Variants in TACR1 observed in about 807,000 individuals in gnomAD.
The protein encoded by TACR1 is substance-P receptor.
TACR1 carries 25 observed loss-of-function variants against 35.8 expected under a neutral mutation model. The observed-to-expected ratio is 0.70, with a 90% CI of 0.51 to 0.98. The LOEUF is 0.98. Among genes scored for constraint, TACR1 ranks in the 50% least tolerant of loss-of-function variants. The probability of loss-of-function intolerance (pLI) is 0.00; values close to 1 mark genes in which losing one functional copy is unlikely to be tolerated. For missense variants in TACR1, 478 were observed against 522.9 expected (o/e 0.91, Z 0.84); for synonymous variants, 195 against 206.7 (o/e 0.94, Z 0.48).
At chr2:75,101,069 A>G in intron 2 of TACR1, among the ~76,000 whole-genome samples, 1 of 152,164 alleles carries the variant, frequency 6.6e-6, no homozygotes. Context: ...GATGAATAAC[A>G]TGTTGGACAC....
Position 75,049,616 on chromosome 2 carries a change from C to T in TACR1, c.1040G>A (p.Ser347Asn), listed in dbSNP as rs202219935. 48 of 1,614,074 alleles carry T rather than the reference C, an allele frequency of 3.0e-5. No homozygotes were observed. The highest frequency in any genetic ancestry group is 3.9e-5 in the Non-Finnish European group (46 of 1,180,052). ...KSTRYLQTQGSVYKVSRLETT... is the reference protein window; with the variant it reads ...KSTRYLQTQGNVYKVSRLETT... The stretch of plus-strand genomic sequence containing the variant: ...CTCCAGGCGGCTGACTTTGTACACA[C>T]TGCCCTGGGTCTGGAGATACCGGGT... Residue 347 changes from serine to asparagine, a missense_variant, in exon 5 of 5, where the codon AGT becomes AAT. Transcript: ENST00000305249.
At chr2:75,111,871 A>G (rs1297913578) in intron 2 of TACR1, among the ~76,000 whole-genome samples, 3 of 151,954 alleles carry the variant, frequency 2.0e-5, no homozygotes, top group Non-Finnish European at 4.4e-5. Context: ...TGAGAGAGAG[A>G]GAGAGAAACC....
At chr2:75,163,647 A>G (rs2103998158) in intron 1 of TACR1, among the ~76,000 whole-genome samples, 1 of 152,308 alleles carries the variant, frequency 6.6e-6, no homozygotes, top group East Asian at 1.9e-4. Flanking sequence ...GTTGGTGCAC[A>G]GGTGTGTTAA....
intron 1 of TACR1, among the ~76,000 whole-genome samples, chr2:75,134,912 A>G (rs990135933): frequency 2.6e-5 from 4 of 152,196 alleles, no homozygotes; most frequent in African/African-American, 9.6e-5. Flanking sequence ...AGGAAAGACA[A>G]GGTCTCACAG....
Position 75,198,833 on chromosome 2 carries a change from A to G in TACR1, c.102T>C (p.Leu34=). Residue 34 remains leucine, a synonymous_variant, in exon 1 of 5, where the codon CTT becomes CTC. Coordinates refer to ENST00000305249, the MANE Select transcript of TACR1 (RefSeq NM_001058.4). Reference sequence around the variant, plus strand: ...CAATGACCGTGTAGGCAGCTGCCCAAAGGACAATTTGCCAGGCTGGTTGCA... The same window carrying G: ...CAATGACCGTGTAGGCAGCTGCCCAGAGGACAATTTGCCAGGCTGGTTGCA... The part of the protein sequence containing the change: ...QFVQPAWQIV[L]WAAAYTVIVV... 3 of 1,614,120 alleles carry G rather than the reference A, an allele frequency of 1.9e-6. No individual in the cohort carries two copies. Among genetic ancestry groups the G allele is most frequent in the Non-Finnish European group, 2.5e-6 (3 of 1,180,022 alleles).
At chr2:75,196,996 G>A (rs1244202503) in intron 1 of TACR1, among the ~76,000 whole-genome samples, 2 of 152,182 alleles carry the variant, frequency 1.3e-5, no homozygotes, top group Admixed American at 1.3e-4. Flanking sequence ...GATTAAAGGA[G>A]CATGTCAATG....
At chr2:75,137,373 G>T (rs935613034) in intron 1 of TACR1, among the ~76,000 whole-genome samples, 1 of 152,112 alleles carries the variant, frequency 6.6e-6, no homozygotes, top group Admixed American at 6.5e-5. Context: ...GAGTGGTCAC[G>T]CATGGTGCGC....
intron 2 of TACR1, among the ~76,000 whole-genome samples, chr2:75,055,729 TCCTTAC>T (rs1040667724): frequency 2.6e-5 from 4 of 152,168 alleles, no homozygotes; most frequent in African/African-American, 9.7e-5. Context: ...TCGCCGATAC[TCCTTAC>T]CCTGGACCAG....
intron 1 of TACR1, among the ~76,000 whole-genome samples, chr2:75,193,887 T>C (rs780874183): frequency 4.6e-5 from 7 of 152,160 alleles, no homozygotes; most frequent in Non-Finnish European, 1.0e-4. Context: ...TTTGAGGGAA[T>C]AAACAAGGCT....
intron 1 of TACR1, among the ~76,000 whole-genome samples, chr2:75,154,109 C>T (rs1203442841): frequency 6.6e-6 from 1 of 152,094 alleles, no homozygotes; most frequent in Non-Finnish European, 1.5e-5. Flanking sequence ...TGGATGCCCC[C>T]CTCACTGCCC....
At chr2:75,180,147 G>A (rs1361280572) in intron 1 of TACR1, among the ~76,000 whole-genome samples, 1 of 152,146 alleles carries the variant, frequency 6.6e-6, no homozygotes, top group Non-Finnish European at 1.5e-5. Flanking sequence ...AAAGCCTTCT[G>A]TAATCTCCCT....
At chr2:75,108,854 T>G (rs1009609444) in intron 2 of TACR1, among the ~76,000 whole-genome samples, 7 of 152,206 alleles carry the variant, frequency 4.6e-5, no homozygotes, top group African/African-American at 1.7e-4. Context: ...ATTTCAAAAT[T>G]TGTACATAAT....
intron 1 of TACR1, among the ~76,000 whole-genome samples, chr2:75,195,570 A>T (rs574844714): frequency 6.6e-6 from 1 of 152,228 alleles, no homozygotes; most frequent in Non-Finnish European, 1.5e-5. Flanking sequence ...TTGACTCAAC[A>T]ATTCCTTTAA....
At position 75,199,047 on chromosome 2, in the gene TACR1, A is replaced by G; in HGVS notation, c.-113T>C. 1 of 1,363,462 alleles carries G rather than the reference A, an allele frequency of 7.3e-7. No homozygotes were observed. Among genetic ancestry groups the G allele is most frequent in the Non-Finnish European group, 9.9e-7 (1 of 1,011,848 alleles). 84.5% of individuals were successfully genotyped at this position (1,363,462 alleles called of 1,614,324 possible). A position where few individuals can be genotyped will look rare whatever the true frequency, so the allele number is the denominator to read the frequency against. ...CTTCTAAAGCCAGACAGGAGGGTGG[A>G]AGGCTTTTTCTGGGCAGCACTCTTT... On this transcript the variant is annotated 5_prime_UTR_variant, in exon 1 of 5. Coordinates refer to ENST00000305249, the MANE Select transcript of TACR1 (RefSeq NM_001058.4).
intron 2 of TACR1, among the ~76,000 whole-genome samples, chr2:75,111,504 G>T (rs1394913005): frequency 2.0e-5 from 3 of 152,000 alleles, no homozygotes; most frequent in Non-Finnish European, 4.4e-5. Context: ...TACTTACTAG[G>T]ATGGAGACTA....
chr2:75,067,525 G>A (rs1203479821), intron 2 of TACR1, among the ~76,000 whole-genome samples: 1 of 152,038 alleles, frequency 6.6e-6, no homozygotes, highest in Non-Finnish European at 1.5e-5. Flanking sequence ...AGTATAGTGG[G>A]GAAGACAGAT....
intron 1 of TACR1, among the ~76,000 whole-genome samples, chr2:75,156,590 G>C (rs192991536): frequency 3.1e-5 from 4 of 130,578 alleles, no homozygotes; most frequent in Non-Finnish European, 4.8e-5. Flanking sequence ...GTAACAGAGC[G>C]AGACTCCGTC....
chr2:75,073,148 A>G (rs1191426555), intron 2 of TACR1, among the ~76,000 whole-genome samples: 1 of 152,238 alleles, frequency 6.6e-6, no homozygotes, highest in Non-Finnish European at 1.5e-5. Flanking sequence ...CTGAGAATCT[A>G]TAGTCACCTT....
intron 2 of TACR1, among the ~76,000 whole-genome samples, chr2:75,086,663 A>C (rs912547642): frequency 3.9e-5 from 6 of 152,222 alleles, no homozygotes; most frequent in African/African-American, 1.4e-4. Flanking sequence ...TTGGCAGTGT[A>C]GGGGAAGGAT....
Sources: gnomAD v4.1 joint callset for allele counts (sites outside exome capture counted in the v4.1 genomes callset) on GRCh38, gnomAD v4.1.1 for gene constraint, MANE v1.5 for transcripts, NCBI Gene and HGNC (gene_info 2026-07-23, HGNC 2026-07-21) for gene names.